SVIL: variants seen among roughly 807,000 people sequenced by gnomAD.
SVIL encodes the protein archvillin.
SVIL carries 101 observed loss-of-function variants against 240.4 expected under a neutral mutation model. The observed-to-expected ratio is 0.42, with a 90% CI of 0.36 to 0.50. The LOEUF is 0.50. Among genes scored for constraint, SVIL ranks in the 20% least tolerant of loss-of-function variants. The pLI, the probability that SVIL is intolerant of heterozygous loss-of-function variation, is 0.01. For synonymous variants in SVIL, 999 were observed against 1,100.0 expected, an observed-to-expected ratio of 0.91 and a Z score of 1.82; for missense variants, 2,512 against 2,818.7, an observed-to-expected ratio of 0.89 and a Z score of 2.46.
At chr10:29,685,849 T>C (rs546378004) in intron 2 of SVIL, among the ~76,000 whole-genome samples, 2 of 152,300 alleles carry the variant, frequency 1.3e-5, no homozygotes, top group South Asian at 4.1e-4. Context: ...GTCCCTTGGC[T>C]GAGAGGATGT....
intron 1 of SVIL, among the ~76,000 whole-genome samples, chr10:29,717,307 C>T (rs1395710127): frequency 1.6e-5 from 2 of 128,162 alleles, no homozygotes; most frequent in African/African-American, 6.2e-5. Context: ...ATATCACACA[C>T]TATATATGAA....
intron 2 of SVIL, among the ~76,000 whole-genome samples, chr10:29,671,972 G>A (rs1163441204): frequency 2.6e-5 from 4 of 152,126 alleles, no homozygotes; most frequent in Non-Finnish European, 5.9e-5. Flanking sequence ...TTCTCTGTGA[G>A]GTTCTATAAT....
chr10:29,494,571 A>C (rs1323565839), intron 20 of SVIL, among the ~76,000 whole-genome samples: 1 of 152,224 alleles, frequency 6.6e-6, no homozygotes, highest in East Asian at 1.9e-4. Context: ...TGATTATATG[A>C]AATAATATTA....
At chr10:29,512,709 G>T in intron 17 of SVIL, 26 bp downstream of exon 17, 1 of 1,614,084 alleles carries the variant, frequency 6.2e-7, no homozygotes, top group South Asian at 1.1e-5. Flanking sequence ...TAGTCGGAAG[G>T]CTTTTCCTAA....
intron 17 of SVIL, chr10:29,508,444 G>T: frequency 2.4e-6 from 3 of 1,272,074 alleles, no homozygotes; most frequent in Non-Finnish European, 3.1e-6. Flanking sequence ...GAAGAGCCTG[G>T]TCAGGGCATC....
At chr10:29,686,354 A>T (rs1042001855) in intron 2 of SVIL, among the ~76,000 whole-genome samples, 1 of 152,238 alleles carries the variant, frequency 6.6e-6, no homozygotes, top group Admixed American at 6.5e-5. Context: ...ATCCTCAGGT[A>T]GACCTACCTG....
At chr10:29,648,354 C>A (rs1958732795) in intron 3 of SVIL, among the ~76,000 whole-genome samples, 1 of 152,150 alleles carries the variant, frequency 6.6e-6, no homozygotes, top group Non-Finnish European at 1.5e-5. Flanking sequence ...TGGCTGCATC[C>A]CAAGACAAAC....
chr10:29,677,219 T>C (rs1231873471), intron 2 of SVIL, among the ~76,000 whole-genome samples: 1 of 152,186 alleles, frequency 6.6e-6, no homozygotes, highest in Non-Finnish European at 1.5e-5. Context: ...GGAACTCAGA[T>C]GCCACAAAGA....
chr10:29,664,891 A>G (rs1959201974), intron 2 of SVIL, among the ~76,000 whole-genome samples: 2 of 152,098 alleles, frequency 1.3e-5, no homozygotes, highest in African/African-American at 4.8e-5. Context: ...ACAATCATAT[A>G]AGTGTATTTT....
At chr10:29,576,538 A>T (rs1345604667) in intron 1 of SVIL, among the ~76,000 whole-genome samples, 1 of 152,212 alleles carries the variant, frequency 6.6e-6, no homozygotes, top group African/African-American at 2.4e-5. Context: ...ATACCCCATC[A>T]TTTATTAAAT....
At chr10:29,656,193 TA>T (rs760109247) in intron 3 of SVIL, among the ~76,000 whole-genome samples, 13 of 151,016 alleles carry the variant, frequency 8.6e-5, no homozygotes, top group African/African-American at 2.7e-4. Context: ...TTTTTTTTTT[TA>T]AAAACATGAA....
intron 1 of SVIL, among the ~76,000 whole-genome samples, chr10:29,572,794 G>C (rs12765567): frequency 7.1e-6 from 1 of 141,580 alleles, no homozygotes; most frequent in Non-Finnish European, 1.5e-5. Flanking sequence ...AAAAGAAAAA[G>C]AAAAAAAGAA....
At chr10:29,702,636 C>G (rs1038944896) in intron 1 of SVIL, among the ~76,000 whole-genome samples, 3 of 152,200 alleles carry the variant, frequency 2.0e-5, no homozygotes, top group Admixed American at 6.5e-5. Flanking sequence ...GAAACCCTAA[C>G]AGCCATCAGT....
At chr10:29,584,831 A>T (rs1265951139) in intron 1 of SVIL, among the ~76,000 whole-genome samples, 2 of 152,182 alleles carry the variant, frequency 1.3e-5, no homozygotes, top group African/African-American at 2.4e-5. Flanking sequence ...GGAAAAAGAA[A>T]ATTCAGATAC....
In SVIL at chr10:29,524,562, C is replaced by A. The variant is rs113842540; in HGVS notation, c.2496G>T (p.Ala832=). Residue 832 remains alanine (A), a synonymous_variant, in exon 14 of 38, where the codon GCG becomes GCT. Transcript: ENST00000355867. The part of the protein sequence containing the change: ...FNKLSQPVSK[A]ISTRNRIDTR... Reference sequence around the variant, plus strand: ...TGTCTATTCTGTTCCGGGTAGAAATCGCTTTTGAGACTGGCTGGGACAATT... The same window carrying A: ...TGTCTATTCTGTTCCGGGTAGAAATAGCTTTTGAGACTGGCTGGGACAATT... 1.2e-6 allele frequency: 2 copies of A among 1,614,094 alleles called. No individual in the cohort carries two copies. Among genetic ancestry groups the A allele is most frequent in the Non-Finnish European group, 8.5e-7 (1 of 1,180,026 alleles).
intron 16 of SVIL, among the ~76,000 whole-genome samples, chr10:29,513,938 C>A (rs1950029789): frequency 6.7e-6 from 1 of 148,540 alleles, no homozygotes; most frequent in Admixed American, 6.8e-5. Flanking sequence ...ATGAAGAAAT[C>A]TTAGGTATTT....
intron 2 of SVIL, among the ~76,000 whole-genome samples, chr10:29,682,756 G>A (rs1310041915): frequency 2.0e-5 from 3 of 152,300 alleles, no homozygotes; most frequent in Non-Finnish European, 4.4e-5. Flanking sequence ...TTAGCTACAG[G>A]AATGGTCACA....
At chr10:29,458,642 G>T (rs2132254562) in intron 36 of SVIL, 53 bp from the exon 37 acceptor site, 2 of 1,579,190 alleles carry the variant, frequency 1.3e-6, no homozygotes, top group East Asian at 4.5e-5. Context: ...ATTTGAACTT[G>T]TTTTATTAAG....
chr10:29,558,758 C>A (rs1954175708), intron 3 of SVIL, among the ~76,000 whole-genome samples: 1 of 151,216 alleles, frequency 6.6e-6, no homozygotes, highest in South Asian at 2.1e-4. Flanking sequence ...GAAACCCCGT[C>A]TCAACTAAAA....
Sources: allele counts gnomAD v4.1 joint callset (sites outside exome capture counted in the v4.1 genomes callset), GRCh38; gene constraint gnomAD v4.1.1; transcripts MANE v1.5; gene names NCBI Gene and HGNC (gene_info 2026-07-23, HGNC 2026-07-21).